Variants in BHLHE41 observed in about 807,000 individuals in gnomAD.
BHLHE41 encodes the protein basic helix-loop-helix family member e41.
In BHLHE41, 14 loss-of-function variants were observed where a neutral mutation model predicts 24.0. That is an observed-to-expected ratio of 0.58 (90% confidence interval 0.39 to 0.91). BHLHE41 has a LOEUF of 0.91. BHLHE41 is among the 40% of genes least tolerant of loss of function. The pLI is 0.00. For missense variants in BHLHE41, 674 were observed against 655.4 expected, an observed-to-expected ratio of 1.03 and a Z score of -0.31; for synonymous variants, 394 against 315.5, an observed-to-expected ratio of 1.25 and a Z score of -2.64.
At position 26,122,250 on chromosome 12, in the gene BHLHE41, G is replaced by T; in HGVS notation, c.1265C>A (p.Pro422His). Residue 422 changes from proline (P) to histidine (H), a missense_variant, in exon 5 of 5, where the codon CCT becomes CAT. Physicochemically the swap from Pro to His is moderately conservative, Grantham distance 77. This residue lies in a region of BHLHE41 where 602 missense variants were observed against 570.8 expected (regional missense o/e 1.05). Coordinates refer to ENST00000242728, the MANE Select transcript of BHLHE41 (RefSeq NM_030762.3). Reference protein sequence around the residue: ...FPCLSSVLSPPPEKAGAAAAT... With the variant: ...FPCLSSVLSPHPEKAGAAAAT... The stretch of plus-strand genomic sequence containing the variant: ...GGCGGCGGCGCCCGCCTTCTCGGGA[G>T]GGGGCGACAACACCGAGGACAGGCA... 7.9e-7 allele frequency: 1 copy of T among 1,273,542 alleles called. No individual in the cohort carries two copies. The highest frequency in any genetic ancestry group is 9.9e-7 in the Non-Finnish European group (1 of 1,012,934). 78.9% of individuals were successfully genotyped at this position (1,273,542 alleles called of 1,614,324 possible).
Position 26,121,952 on chromosome 12 carries a change from C to G in BHLHE41, c.*114G>C. The G allele has an allele frequency of 6.5e-7, 1 of 1,536,834 alleles. No homozygotes were observed. The highest frequency in any genetic ancestry group is 8.8e-7 in the Non-Finnish European group (1 of 1,140,018). On this transcript the variant is annotated 3_prime_UTR_variant, in exon 5 of 5. Transcript: ENST00000242728. ...TTATGCCTGTCGTGCATCTATTACA[C>G]TTCCTCCCTTAAAGACCTTAAGGGT...
chr12:26,123,266 C>T, intron 4 of BHLHE41, 98 bp from the exon 5 acceptor site: 1 of 1,407,004 alleles, frequency 7.1e-7, no homozygotes, highest in Non-Finnish European at 9.4e-7. Context: ...GGCCCTGCAT[C>T]GACTAAAGTG....
At position 26,122,489 on chromosome 12, in the gene BHLHE41, G is replaced by A. The variant is rs1944318700; in HGVS notation, c.1026C>T (p.Ala342=). ...AGGGCAGGCAGAAGGGGGCCGCGGCGGCCGCGGGCTGCGGGAAGGGCGCGC... is the reference window on the plus strand; with the variant it reads ...AGGGCAGGCAGAAGGGGGCCGCGGCAGCCGCGGGCTGCGGGAAGGGCGCGC... The part of the protein sequence containing the change: ...GGGAPFPQPA[A]AAAPFCLPFC... The change falls in exon 5 of 5, where the codon GCC becomes GCT. Residue 342 remains alanine, a synonymous_variant. Transcript: ENST00000242728. 3 of 1,327,124 alleles carry A rather than the reference G, an allele frequency of 2.3e-6. No homozygotes were observed. The highest frequency in any genetic ancestry group is 6.9e-5 in the East Asian group (2 of 28,990). The allele number at this position is 1,327,124 out of a possible 1,614,324, so 82.2% of individuals were successfully genotyped here. A position where few individuals can be genotyped will look rare whatever the true frequency, so the allele number is the denominator to read the frequency against.
Position 26,122,586 on chromosome 12 carries a change from G to A in BHLHE41, c.929C>T (p.Ala310Val), listed in dbSNP as rs1444487429. ...AAAALLGPDP[A>V]AAAALLRPDA... ...GGGTCTCAGCAGCGCGGCCGCGGCG[G>A]CAGGGTCGGGCCCCAGAAGCGCGGC... is the stretch of plus-strand genomic sequence containing the variant. The change falls in exon 5 of 5, where the codon GCC becomes GTC. Residue 310 changes from alanine to valine, a missense_variant. Ala to Val is a moderately conservative substitution (Grantham distance 64). Transcript: ENST00000242728. The A allele has an allele frequency of 9.0e-7, 1 of 1,107,212 alleles. No homozygotes were observed. The highest frequency in any genetic ancestry group is 5.1e-5 in the East Asian group (1 of 19,688). 68.6% of individuals were successfully genotyped at this position (1,107,212 alleles called of 1,614,324 possible).
At chr12:26,124,253 G>GCCCCCCCCTC in intron 2 of BHLHE41, 74 bp from the exon 3 acceptor site, 2 of 785,908 alleles carry the variant, frequency 2.5e-6, no homozygotes, top group Non-Finnish European at 4.2e-6. Flanking sequence ...ACCCTCGTCT[G>GCCCCCCCCTC]CCCCCCCCGC....
rs1591837802 is a variant in BHLHE41 at position 26,121,838 on chromosome 12, G to T, written c.*228C>A. ...TTTACAGCTGGTGGGGGGAAGAAAG[G>T]GATGTTAGTGTGTGGAGGGTGGGGT... is the stretch of plus-strand genomic sequence containing the variant. On this transcript the variant is annotated 3_prime_UTR_variant, in exon 5 of 5. Coordinates refer to ENST00000242728, the MANE Select transcript of BHLHE41 (RefSeq NM_030762.3). The T allele has an allele frequency of 3.0e-6, 3 of 1,001,662 alleles. No homozygotes were observed. Among genetic ancestry groups the T allele is most frequent in the Non-Finnish European group, 4.2e-6 (3 of 719,370 alleles). 62.0% of individuals were successfully genotyped at this position (1,001,662 alleles called of 1,614,324 possible).
chr12:26,124,919 A>C lies in BHLHE41; in HGVS notation c.-140T>G. ...GCTCTCCCTCTTCAGTGCAGTGTTG[A>C]AAGTGTGAAGCAGTTGGTCCCCCCC... On this transcript the variant is annotated 5_prime_UTR_variant, in exon 1 of 5. Transcript: ENST00000242728. 1.1e-6 allele frequency: 1 copy of C among 881,064 alleles called. No homozygotes were observed. Among genetic ancestry groups the C allele is most frequent in the Non-Finnish European group, 1.9e-6 (1 of 531,378 alleles). 54.6% of individuals were successfully genotyped at this position (881,064 alleles called of 1,614,324 possible).
rs1232813436 is a variant in BHLHE41, at chr12:26,120,911, T to C, written c.*1155A>G. 6.5e-6 allele frequency: 1 copy of C among 152,680 alleles called. No homozygotes were observed. The highest frequency in any genetic ancestry group is 1.5e-5 in the Non-Finnish European group (1 of 68,042). 9.5% of individuals were successfully genotyped at this position (152,680 alleles called of 1,614,324 possible). On this transcript the variant is annotated 3_prime_UTR_variant, in exon 5 of 5. Coordinates refer to ENST00000242728, the MANE Select transcript of BHLHE41 (RefSeq NM_030762.3). ...TCTGGTTTGGTCTCCAGAAAATACA[T>C]AGACTTGGAGATAGGAAGGCCTCAC...
rs562259562 is a variant in BHLHE41 at position 26,122,156 on chromosome 12, G to C, written c.1359C>G (p.Thr453=). Residue 453 remains threonine (T), a synonymous_variant, in exon 5 of 5, where the codon ACC becomes ACG. Transcript: ENST00000242728. ...CGCGGGGCCCGGCGAAGGGCAGGTG[G>C]GTGCGGCCGTGCGGGTGCTGGGGGT... ...APHPQHPHGR[T]HLPFAGPREP... The C allele has an allele frequency of 6.5e-7, 1 of 1,541,342 alleles. No homozygotes were observed. The highest frequency in any genetic ancestry group is 2.5e-5 in the East Asian group (1 of 40,100).
In BHLHE41 at chr12:26,122,058, G is replaced by T. The variant is rs1460650265; in HGVS notation, c.*8C>A. On this transcript the variant is annotated 3_prime_UTR_variant, in exon 5 of 5. Transcript: ENST00000242728. ...TGCTTGAACCTCCGTCCTTCGGGAC[G>T]CAAGGATTCAGGGAGCTTCCTTTCC... 14 of 1,549,206 alleles carry T rather than the reference G, an allele frequency of 9.0e-6. No homozygotes were observed. Among genetic ancestry groups the T allele is most frequent in the East Asian group, 2.4e-5 (1 of 40,820 alleles).
chr12:26,124,725 A>G lies in BHLHE41; in HGVS notation c.55T>C (p.Phe19Leu), dbSNP rs912541897. Residue 19 changes from phenylalanine to leucine, a missense_variant, in exon 1 of 5, where the codon TTT becomes CTT. Physicochemically the swap from Phe to Leu is conservative, Grantham distance 22. Around this residue, in one of 3 missense-constraint regions of BHLHE41, gnomAD observed 67 missense variants for 62.4 expected, o/e 1.07. Coordinates refer to ENST00000242728, the MANE Select transcript of BHLHE41 (RefSeq NM_030762.3). ...QERQLLEHRDFIGLDYSSLYM... is the reference protein window; with the variant it reads ...QERQLLEHRDLIGLDYSSLYM... ...AGGGTGCGTGCACCTTACCCTATAA[A>G]ATCTCTATGTTCCAGTAACTGTCTC... The G allele has an allele frequency of 7.4e-6, 12 of 1,614,054 alleles. No individual in the cohort carries two copies. Among genetic ancestry groups the G allele is most frequent in the Non-Finnish European group, 1.0e-5 (12 of 1,180,030 alleles).
Position 26,125,036 on chromosome 12 carries a change from T to C in BHLHE41, c.-257A>G, listed in dbSNP as rs1369575286. The C allele has an allele frequency of 1.8e-6, 1 of 544,490 alleles. No homozygotes were observed. The highest frequency in any genetic ancestry group is 3.3e-5 in the East Asian group (1 of 30,100). The allele number at this position is 544,490 out of a possible 1,614,324, so 33.7% of individuals were successfully genotyped here. A position where few individuals can be genotyped will look rare whatever the true frequency, so the allele number is the denominator to read the frequency against. On this transcript the variant is annotated 5_prime_UTR_variant, in exon 1 of 5. Transcript: ENST00000242728. Reference sequence around the variant, plus strand: ...GTTTGCTCTCACTCCAGGCAGTGTTTGGCCACAGGGCACGCGCGTCGCCGG... The same window carrying C: ...GTTTGCTCTCACTCCAGGCAGTGTTCGGCCACAGGGCACGCGCGTCGCCGG...
At chr12:26,123,901 C>A (rs1053743913) in intron 3 of BHLHE41, 160 bp from the exon 4 acceptor site, 1 of 747,688 alleles carries the variant, frequency 1.3e-6, no homozygotes, top group Non-Finnish European at 2.3e-6. Flanking sequence ...TAAATGATTT[C>A]TTGCCTTCAG....
chr12:26,121,902 A>C lies in BHLHE41; in HGVS notation c.*164T>G, dbSNP rs190616733. On this transcript the variant is annotated 3_prime_UTR_variant, in exon 5 of 5. Transcript: ENST00000242728. Reference sequence around the variant, plus strand: ...CAAAACAGGAACTCCGAATGTACACATAACACCTGTTTTGTTGTTCTTGTT... The same window carrying C: ...CAAAACAGGAACTCCGAATGTACACCTAACACCTGTTTTGTTGTTCTTGTT... 2.0e-6 allele frequency: 3 copies of C among 1,517,218 alleles called. No homozygotes were observed. In the African/African-American group the frequency reaches 4.2e-5, roughly 21 times the overall value. 94.0% of individuals were successfully genotyped at this position (1,517,218 alleles called of 1,614,324 possible). A position where few individuals can be genotyped will look rare whatever the true frequency, so the allele number is the denominator to read the frequency against.
Position 26,122,637 on chromosome 12 carries a change from G to GGGCCGCCGCCGC in BHLHE41, c.866_877dup (p.Gly292_Pro293insArgGlyGlyGly). 2 of 1,292,002 alleles carry GGGCCGCCGCCGC rather than the reference G, an allele frequency of 1.5e-6. No homozygotes were observed. The highest frequency in any genetic ancestry group is 2.0e-6 in the Non-Finnish European group (2 of 1,018,214). 80.0% of individuals were successfully genotyped at this position (1,292,002 alleles called of 1,614,324 possible). On this transcript the variant is annotated inframe_insertion, in exon 5 of 5. Transcript: ENST00000242728. The stretch of plus-strand genomic sequence containing the variant: ...TGCCGCCGCCGCCGCGCCGCCCCCC[G>GGGCCGCCGCCGC]GGCCGCCGCCGCTGCCGCCGCCGCG...
In BHLHE41 at chr12:26,121,994, C is replaced by T. The variant is rs925388704; in HGVS notation, c.*72G>A. 2.6e-6 allele frequency: 4 copies of T among 1,542,798 alleles called. No homozygotes were observed. The African/African-American group carries it at 5.5e-5, about 21-fold the overall frequency. Reference sequence around the variant, plus strand: ...CTTAAGGGTATTTTAACTTCTCACTCTGCTTGAACCTCCTTAAGGGTATTT... The same window carrying T: ...CTTAAGGGTATTTTAACTTCTCACTTTGCTTGAACCTCCTTAAGGGTATTT... On this transcript the variant is annotated 3_prime_UTR_variant, in exon 5 of 5. Transcript: ENST00000242728.
At chr12:26,123,998 A>G in intron 3 of BHLHE41, 74 bp downstream of exon 3, 1 of 1,055,190 alleles carries the variant, frequency 9.5e-7, no homozygotes, top group Non-Finnish European at 1.5e-6. Flanking sequence ...ATTTATTCTT[A>G]TATTTTCTGG....
chr12:26,121,240 GAAGA>G lies in BHLHE41; in HGVS notation c.*822_*825del, dbSNP rs1484187625. The G allele has an allele frequency of 6.6e-6, 1 of 152,468 alleles. No individual in the cohort carries two copies. Among genetic ancestry groups the G allele is most frequent in the Non-Finnish European group, 1.5e-5 (1 of 68,026 alleles). 9.4% of individuals were successfully genotyped at this position (152,468 alleles called of 1,614,324 possible). A position where few individuals can be genotyped will look rare whatever the true frequency, so the allele number is the denominator to read the frequency against. On this transcript the variant is annotated 3_prime_UTR_variant, in exon 5 of 5. Transcript: ENST00000242728. ...AGATATCTATCTATATATGGACTTA[GAAGA>G]AATTAAGATGAGTCCATTAATTCAT...
chr12:26,123,556 G>T, intron 4 of BHLHE41, 74 bp downstream of exon 4: 1 of 1,011,958 alleles, frequency 9.9e-7, no homozygotes, highest in Non-Finnish European at 1.6e-6. Flanking sequence ...GTGCGGGTGA[G>T]GGAGTCCTGA....
Sources: allele counts gnomAD v4.1 joint callset, GRCh38; gene constraint gnomAD v4.1.1; regional missense constraint gnomAD v4.1.1; transcripts MANE v1.5; gene names NCBI Gene and HGNC (gene_info 2026-07-23, HGNC 2026-07-21).